The following SHANK1 variants were observed in gnomAD, a reference collection of about 807,000 sequenced individuals.
The protein encoded by SHANK1 is SH3 and multiple ankyrin repeat domains 1.
Under a neutral mutation model 165.6 loss-of-function variants are expected in SHANK1, and 35 were observed. The ratio of observed to expected loss-of-function variants is 0.21; its 90% CI spans 0.16 to 0.28. SHANK1 has a LOEUF of 0.28. SHANK1 is among the 10% of genes least tolerant of loss of function. The probability of loss-of-function intolerance (pLI) is 1.00; values close to 1 mark genes in which losing one functional copy is unlikely to be tolerated. For synonymous variants in SHANK1, 1,428 were observed against 1,384.8 expected, an observed-to-expected ratio of 1.03 and a Z score of -0.69; for missense variants, 2,681 against 3,036.4, an observed-to-expected ratio of 0.88 and a Z score of 2.75.
Position 50,662,136 on chromosome 19 carries a change from A to G in SHANK1, c.6315T>C (p.Asp2105=), listed in dbSNP as rs754447501. Residue 2105 remains aspartate (D), a synonymous_variant, in exon 24 of 24, where the codon GAT becomes GAC. Transcript: ENST00000293441. This position sits in a 1 kb window ranked among gnomAD's most constrained non-coding sequence, Gnocchi z 7.7. The part of the protein sequence containing the change: ...LGFWTKFDVA[D]WLEWLGLAEH... ...CCGCCAAACCCAGCCACTCCAGCCA[A>G]TCAGCCACGTCGAACTTGGTCCAGA... 1 of 1,613,734 alleles carries G rather than the reference A, an allele frequency of 6.2e-7. No individual in the cohort carries two copies. The highest frequency in any genetic ancestry group is 1.1e-5 in the South Asian group (1 of 91,072).
chr19:50,716,851 G>T lies in SHANK1; in HGVS notation c.69C>A (p.Gly23=). The change falls in exon 2 of 24, where the codon GGC becomes GGA. Residue 23 remains glycine, a synonymous_variant. Coordinates refer to ENST00000293441, the MANE Select transcript of SHANK1 (RefSeq NM_016148.5). This position sits in a 1 kb window ranked among gnomAD's most constrained non-coding sequence, Gnocchi z 8.4. ...CGTCTGGGGAGCTGTCGGACTCTGAGCCCCCCTCGGGACACTCGCTGGCAC... is the reference window on the plus strand; with the variant it reads ...CGTCTGGGGAGCTGTCGGACTCTGATCCCCCCTCGGGACACTCGCTGGCAC... ...RHSASECPEG[G]SESDSSPDGP... is the part of the protein sequence containing the mutation. The T allele has an allele frequency of 6.5e-7, 1 of 1,539,806 alleles. No individual in the cohort carries two copies.
chr19:50,667,789 T>A lies in SHANK1; in HGVS notation c.4171A>T (p.Thr1391Ser), dbSNP rs900345655. 6 of 312,130 alleles carry A rather than the reference T, an allele frequency of 1.9e-5. No homozygotes were observed. Among genetic ancestry groups the A allele is most frequent in the East Asian group, 6.4e-4 (2 of 3,132 alleles). The allele number at this position is 312,130 out of a possible 1,614,324, so 19.3% of individuals were successfully genotyped here. Residue 1391 changes from threonine to serine, a missense_variant, in exon 23 of 24, where the codon ACC becomes TCC. By Grantham distance (58) the Thr-to-Ser change is moderately conservative. Around this residue, in one of 10 missense-constraint regions of SHANK1, gnomAD observed 1,713 missense variants for 1,630.2 expected, o/e 1.05. Coordinates refer to ENST00000293441, the MANE Select transcript of SHANK1 (RefSeq NM_016148.5). This position sits in a 1 kb window ranked among gnomAD's most constrained non-coding sequence, Gnocchi z 5.7. ...GCGTGGGGCGAGTGGTGGTGCGGGG[T>A]GGGCGGCGGGGCCTCGTAGCGGGGC... ...PSPRYEAPPP[T>S]PHHHSPHAHH...
chr19:50,711,175 A>G (rs2089004015), intron 8 of SHANK1, 196 bp downstream of exon 8: 1 of 490,900 alleles, frequency 2.0e-6, no homozygotes, highest in Non-Finnish European at 3.6e-6. Context: ...AGCTCAGTAA[A>G]TATCTGTTGG....
At chr19:50,701,840 A>C (rs55844086) in intron 12 of SHANK1, among the ~76,000 whole-genome samples, 34,484 of 152,162 alleles carry the variant, frequency 0.23, 3,963 homozygotes, top group South Asian at 0.34. Context: ...GCCTATAAGC[A>C]GGGGAGACTG....
chr19:50,704,298 C>G, intron 9 of SHANK1, 112 bp from the exon 10 acceptor site: 1 of 1,318,016 alleles, frequency 7.6e-7, no homozygotes, highest in East Asian at 2.3e-5. Context: ...CCGACAATGC[C>G]GCCCTCTGTC....
chr19:50,702,505 T>C lies in SHANK1; in HGVS notation c.1709A>G (p.Glu570Gly). 6.2e-7 allele frequency: 1 copy of C among 1,613,210 alleles called. No homozygotes were observed. Among genetic ancestry groups the C allele is most frequent in the Non-Finnish European group, 8.5e-7 (1 of 1,179,818 alleles). The change falls in exon 12 of 24, where the codon GAG (glutamate) becomes GGG (glycine). Residue 570 changes from glutamate to glycine, a missense_variant. This residue lies in a region of SHANK1 where 195 missense variants were observed against 186.2 expected (regional missense o/e 1.05). Coordinates refer to ENST00000293441, the MANE Select transcript of SHANK1 (RefSeq NM_016148.5). The surrounding 1 kb of genome is among the most constrained non-coding windows in gnomAD (Gnocchi z 5.3). ...MAVKSYQAQAEGEISLSKGEK... is the reference protein window; with the variant it reads ...MAVKSYQAQAGGEISLSKGEK... ...GCCCTTGCTCAGGGAGATCTCCCCC[T>C]CGGCTTGGGCCTGGTAGGACTTCAC...
chr19:50,718,491 C>A lies in SHANK1; in HGVS notation c.-44+915G>T, dbSNP rs1408273635. Among the ~76,000 whole-genome samples the A allele has an allele frequency of 1.3e-5, 2 of 152,080 alleles. No individual in the cohort carries two copies. Among genetic ancestry groups the A allele is most frequent in the African/African-American group, 4.8e-5 (2 of 41,428 alleles). ...TACGGCTGCCCCAGCCCCCCCGGGC[C>A]GGCTCCGGCCCCTCCCCCTCAGGGC... On this transcript the variant is annotated intron_variant, in intron 1 of 23. Transcript: ENST00000293441. This position sits in a 1 kb window ranked among gnomAD's most constrained non-coding sequence, Gnocchi z 5.1.
At chr19:50,671,605 G>A (rs1166838598) in intron 22 of SHANK1, among the ~76,000 whole-genome samples, 1 of 151,862 alleles carries the variant, frequency 6.6e-6, no homozygotes, top group African/African-American at 2.4e-5. Context: ...ATGAGGGCAG[G>A]AACCTTTAGT....
In SHANK1 at chr19:50,668,647, C is replaced by T. The variant is rs1401963303; in HGVS notation, c.3313G>A (p.Gly1105Ser). The T allele has an allele frequency of 1.5e-5, 20 of 1,364,620 alleles. No individual in the cohort carries two copies. The highest frequency in any genetic ancestry group is 1.9e-5 in the Non-Finnish European group (20 of 1,057,718). The allele number at this position is 1,364,620 out of a possible 1,614,324, so 84.5% of individuals were successfully genotyped here. The stretch of plus-strand genomic sequence containing the variant: ...TGCTTGACCAGCGGGCCCTTGCGGC[C>T]GCGGCCCGAGCGGGCGGGCACGTAC... The part of the protein sequence containing the change: ...AMYVPARSGR[G>S]RKGPLVKQTK... Residue 1105 changes from glycine (G) to serine (S), a missense_variant, in exon 23 of 24, where the codon GGC becomes AGC. This residue lies in a region of SHANK1 where 1,713 missense variants were observed against 1,630.2 expected (regional missense o/e 1.05). Transcript: ENST00000293441.
chr19:50,714,394 TA>T, intron 4 of SHANK1, 104 bp from the exon 5 acceptor site: 1 of 934,618 alleles, frequency 1.1e-6, no homozygotes, highest in Non-Finnish European at 1.6e-6. Context: ...TGGAGTCACA[TA>T]CGCCATTGAA....
At chr19:50,672,555 CAAAAAAA>C (rs3987747) in intron 21 of SHANK1, among the ~76,000 whole-genome samples, 17 of 35,506 alleles carry the variant, frequency 4.8e-4, no homozygotes, top group East Asian at 1.6e-3. Context: ...GACTCTGTCT[CAAAAAAA>C]AAAAAAAAAA....
rs2089076787 is a variant in SHANK1, at chr19:50,716,881, G to A, written c.39C>T (p.Arg13=). The part of the protein sequence containing the change: ...HSPATSEDEE[R]HSASECPEGG... ...CCTCGGGACACTCGCTGGCACTGTGGCGTTCCTCGTCCTCGCTTGTCGCGG... is the reference window on the plus strand; with the variant it reads ...CCTCGGGACACTCGCTGGCACTGTGACGTTCCTCGTCCTCGCTTGTCGCGG... Residue 13 remains arginine, a synonymous_variant, in exon 2 of 24, where the codon CGC becomes CGT. Coordinates refer to ENST00000293441, the MANE Select transcript of SHANK1 (RefSeq NM_016148.5). The surrounding 1 kb of genome is among the most constrained non-coding windows in gnomAD (Gnocchi z 8.4). The A allele has an allele frequency of 1.4e-6, 2 of 1,481,054 alleles. No homozygotes were observed. Among genetic ancestry groups the A allele is most frequent in the South Asian group, 2.8e-5 (2 of 72,678 alleles). 91.7% of individuals were successfully genotyped at this position (1,481,054 alleles called of 1,614,324 possible).
chr19:50,689,532 A>G (rs750538073), intron 15 of SHANK1: 3 of 636,408 alleles, frequency 4.7e-6, no homozygotes, highest in South Asian at 3.6e-5. Flanking sequence ...CCATCCACCC[A>G]TCCATTCAGC....
chr19:50,659,321 C>A lies in SHANK1; in HGVS notation c.*2644G>T. On this transcript the variant is annotated 3_prime_UTR_variant, in exon 24 of 24. Coordinates refer to ENST00000293441, the MANE Select transcript of SHANK1 (RefSeq NM_016148.5). ...CTGGTACAAAAGCCATTTCTCTCTG[C>A]AAAATCTTGGTGGGGAGTCAGGGGA... The A allele has an allele frequency of 4.2e-6, 2 of 475,318 alleles. No homozygotes were observed. The highest frequency in any genetic ancestry group is 6.7e-6 in the Non-Finnish European group (2 of 298,950). The allele number at this position is 475,318 out of a possible 1,614,324, so 29.4% of individuals were successfully genotyped here.
At position 50,686,395 on chromosome 19, in the gene SHANK1, A is replaced by G; in HGVS notation, c.2459-40T>C. The G allele has an allele frequency of 7.0e-7, 1 of 1,418,930 alleles. No individual in the cohort carries two copies. The highest frequency in any genetic ancestry group is 1.4e-5 in the African/African-American group (1 of 69,800). The allele number at this position is 1,418,930 out of a possible 1,614,324, so 87.9% of individuals were successfully genotyped here. ...ATGAACAGAGGTGGGAAGACAATGA[A>G]ATGAAGTTTGCTTTGACCCGGGCCG... On this transcript the variant is annotated intron_variant, in intron 20 of 23. Coordinates refer to ENST00000293441, the MANE Select transcript of SHANK1 (RefSeq NM_016148.5). This position sits in a 1 kb window ranked among gnomAD's most constrained non-coding sequence, Gnocchi z 5.7.
Position 50,667,557 on chromosome 19 carries a change from GCCGGGGGCTCCGTCC to G in SHANK1, c.4388_4402del (p.Gly1463_Pro1467del). On this transcript the variant is annotated inframe_deletion, in exon 23 of 24. Transcript: ENST00000293441. This position sits in a 1 kb window ranked among gnomAD's most constrained non-coding sequence, Gnocchi z 5.7. ...GGGCTTGCTTACTCCGGGGTGCGGG[GCCGGGGGCTCCGTCC>G]CCAGCTGCAGCAGGAGGGGCCCCAC... 6.8e-7 allele frequency: 1 copy of G among 1,463,206 alleles called. No individual in the cohort carries two copies. 90.6% of individuals were successfully genotyped at this position (1,463,206 alleles called of 1,614,324 possible). A position where few individuals can be genotyped will look rare whatever the true frequency, so the allele number is the denominator to read the frequency against.
intron 21 of SHANK1, among the ~76,000 whole-genome samples, chr19:50,682,349 C>T (rs781330009): frequency 7.2e-5 from 11 of 152,146 alleles, no homozygotes; most frequent in Non-Finnish European, 7.3e-5. Flanking sequence ...CCACTGCGCC[C>T]GGCCCAGCCT....
In SHANK1 at chr19:50,661,511, G is replaced by T. The variant is rs543362404; in HGVS notation, c.*454C>A. Among the ~76,000 whole-genome samples, 4 of 151,772 alleles carry T rather than the reference G, an allele frequency of 2.6e-5. No homozygotes were observed. The highest frequency in any genetic ancestry group is 3.4e-3 in the Middle Eastern group (1 of 294). The stretch of plus-strand genomic sequence containing the variant: ...CTGTGTGTGCTGGGGAGAGGGGAAG[G>T]GGGGAGAGCTGAGGGGCCTGGAGAG... On this transcript the variant is annotated 3_prime_UTR_variant, in exon 24 of 24. Coordinates refer to ENST00000293441, the MANE Select transcript of SHANK1 (RefSeq NM_016148.5).
intron 8 of SHANK1, among the ~76,000 whole-genome samples, 160 bp from the exon 9 acceptor site, chr19:50,704,674 G>A (rs1298483303): frequency 2.6e-5 from 4 of 152,216 alleles, no homozygotes; most frequent in African/African-American, 9.6e-5. Context: ...CGGACCAGGA[G>A]CACTTTAGTT....
Sources: allele counts gnomAD v4.1 joint callset (sites outside exome capture counted in the v4.1 genomes callset), GRCh38; gene constraint gnomAD v4.1.1; regional missense constraint gnomAD v4.1.1; non-coding constraint Gnocchi (gnomAD v3.1); transcripts MANE v1.5; gene names NCBI Gene and HGNC (gene_info 2026-07-23, HGNC 2026-07-21).